Variants in MAGI1 observed in about 807,000 individuals in gnomAD.
MAGI1 encodes membrane associated guanylate kinase, WW and PDZ domain containing 1.
MAGI1 carries 58 observed loss-of-function variants against 139.9 expected under a neutral mutation model. The ratio of observed to expected loss-of-function variants is 0.41; its 90% CI spans 0.34 to 0.52. The LOEUF (loss-of-function observed/expected upper bound fraction) is 0.52, where lower values mean the gene tolerates loss of function less well. Among genes scored for constraint, MAGI1 ranks in the 20% least tolerant of loss-of-function variants. The pLI is 0.12. For missense variants in MAGI1, 1,874 were observed against 1,901.6 expected (o/e 0.99, Z 0.27); for synonymous variants, 812 against 737.9 (o/e 1.10, Z -1.63).
chr3:65,379,612 GC>G (rs1942872750), intron 16 of MAGI1, 58 bp from the exon 17 acceptor site: 3 of 1,554,966 alleles, frequency 1.9e-6, no homozygotes, highest in Non-Finnish European at 2.6e-6. Flanking sequence ...CCATCCTGCT[GC>G]CCCTCCCTCC....
chr3:65,501,928 G>C (rs2077097478), intron 2 of MAGI1, among the ~76,000 whole-genome samples: 1 of 152,152 alleles, frequency 6.6e-6, no homozygotes, highest in African/African-American at 2.4e-5. Flanking sequence ...CAGGGAAAGA[G>C]AAGCCAGACT....
intron 1 of MAGI1, among the ~76,000 whole-genome samples, chr3:65,828,342 C>G (rs1233495850): frequency 6.6e-6 from 1 of 152,212 alleles, no homozygotes; most frequent in African/African-American, 2.4e-5. Flanking sequence ...AGGAGAAGGT[C>G]TATCCCACAA....
intron 2 of MAGI1, among the ~76,000 whole-genome samples, chr3:65,554,077 G>A (rs943838645): frequency 6.6e-6 from 1 of 151,972 alleles, no homozygotes; most frequent in African/African-American, 2.4e-5. Flanking sequence ...CAGATATACT[G>A]TATATCTGTT....
intron 1 of MAGI1, among the ~76,000 whole-genome samples, chr3:65,954,967 T>C (rs2107002968): frequency 6.6e-6 from 1 of 151,950 alleles, no homozygotes. Context: ...GATGAAAGAA[T>C]TGAGACTTAG....
At chr3:65,496,854 C>G (rs1378104820) in intron 2 of MAGI1, among the ~76,000 whole-genome samples, 1 of 152,096 alleles carries the variant, frequency 6.6e-6, no homozygotes, top group East Asian at 1.9e-4. Context: ...CTCATCACAC[C>G]ATGCTAGGTC....
chr3:65,549,011 G>A (rs1008067034), intron 2 of MAGI1, among the ~76,000 whole-genome samples: 2 of 152,160 alleles, frequency 1.3e-5, no homozygotes, highest in Non-Finnish European at 2.9e-5. Flanking sequence ...GGCCCTAGGC[G>A]GAACGAGCCT....
At chr3:66,025,234 G>T (rs1027662573) in intron 1 of MAGI1, among the ~76,000 whole-genome samples, 1 of 152,120 alleles carries the variant, frequency 6.6e-6, no homozygotes, top group Non-Finnish European at 1.5e-5. Flanking sequence ...TCTACATATA[G>T]TATTTTTTTA....
chr3:66,020,402 C>G (rs2067898715), intron 1 of MAGI1, among the ~76,000 whole-genome samples: 1 of 152,144 alleles, frequency 6.6e-6, no homozygotes, highest in Non-Finnish European at 1.5e-5. Context: ...TACACTCCAG[C>G]CTCGGTGACA....
At chr3:65,920,676 A>G (rs1033571194) in intron 1 of MAGI1, among the ~76,000 whole-genome samples, 1 of 152,254 alleles carries the variant, frequency 6.6e-6, no homozygotes, top group African/African-American at 2.4e-5. Context: ...ATGAAAATTA[A>G]GATTAATTGA....
intron 13 of MAGI1, among the ~76,000 whole-genome samples, chr3:65,397,740 TAA>T (rs1242259855): frequency 6.6e-6 from 1 of 152,166 alleles, no homozygotes; most frequent in African/African-American, 2.4e-5. Flanking sequence ...TTATTATAAT[TAA>T]GAGTGGAATG....
chr3:65,999,275 T>A (rs1325181348), intron 1 of MAGI1, among the ~76,000 whole-genome samples: 1 of 152,050 alleles, frequency 6.6e-6, no homozygotes, highest in Non-Finnish European at 1.5e-5. Flanking sequence ...AAGAAGCCCT[T>A]TTTCAATGAA....
intron 2 of MAGI1, among the ~76,000 whole-genome samples, chr3:65,553,201 A>G (rs1191782448): frequency 6.6e-6 from 1 of 152,004 alleles, no homozygotes; most frequent in Non-Finnish European, 1.5e-5. Context: ...GATTTAATCT[A>G]TCAGCTATGC....
At position 65,439,874 on chromosome 3, in the gene MAGI1, C is replaced by T; in HGVS notation, c.1270+5G>A. On this transcript the variant is annotated splice_donor_5th_base_variant and intron_variant, in intron 9 of 22. Transcript: ENST00000402939. ...CAAGAAAAAGCCTAGAGGAAAGAGG[C>T]CAACCTTCTGTCTGCTGCTGCTGCT... 6.2e-7 allele frequency: 1 copy of T among 1,609,824 alleles called. No homozygotes were observed. Among genetic ancestry groups the T allele is most frequent in the Non-Finnish European group, 8.5e-7 (1 of 1,179,836 alleles).
chr3:65,591,961 TCTG>T (rs1302421795), intron 2 of MAGI1, among the ~76,000 whole-genome samples: 1 of 152,208 alleles, frequency 6.6e-6, no homozygotes, highest in African/African-American at 2.4e-5. Flanking sequence ...CTTACTCTGC[TCTG>T]CTTTTTCCCT....
intron 1 of MAGI1, among the ~76,000 whole-genome samples, chr3:66,020,945 T>C (rs2067927731): frequency 6.6e-6 from 1 of 152,146 alleles, no homozygotes; most frequent in Non-Finnish European, 1.5e-5. Context: ...TCGGTAAATG[T>C]ACCGATTAAA....
At chr3:65,759,223 TC>T (rs2036818260) in intron 1 of MAGI1, among the ~76,000 whole-genome samples, 1 of 152,148 alleles carries the variant, frequency 6.6e-6, no homozygotes, top group South Asian at 2.1e-4. Context: ...GATGCCCTCC[TC>T]TAGGACAGTT....
At chr3:65,841,322 T>G (rs2058795798) in intron 1 of MAGI1, among the ~76,000 whole-genome samples, 1 of 152,138 alleles carries the variant, frequency 6.6e-6, no homozygotes, top group Non-Finnish European at 1.5e-5. Flanking sequence ...TGCCTTGGGT[T>G]TATTTTGCTC....
intron 1 of MAGI1, among the ~76,000 whole-genome samples, chr3:65,712,136 C>T (rs943577283): frequency 6.6e-6 from 1 of 152,074 alleles, no homozygotes; most frequent in Non-Finnish European, 1.5e-5. Context: ...AAGGTAGGGT[C>T]CATGTGCCCT....
Position 65,379,108 on chromosome 3 carries a change from T to C in MAGI1, c.2995+153A>G, listed in dbSNP as rs996855545. The C allele has an allele frequency of 2.0e-6, 3 of 1,486,148 alleles. No individual in the cohort carries two copies. The African/African-American group carries it at 4.2e-5, about 21-fold the overall frequency. The allele number at this position is 1,486,148 out of a possible 1,614,324, so 92.1% of individuals were successfully genotyped here. The stretch of plus-strand genomic sequence containing the variant: ...CTTCAAAAGGGAAAAAGCTACCAAA[T>C]CAACTCCATCTCCAATTAAGTCTTT... On this transcript the variant is annotated intron_variant, in intron 17 of 22. Transcript: ENST00000402939.
Sources: allele counts gnomAD v4.1 joint callset (sites outside exome capture counted in the v4.1 genomes callset), GRCh38; gene constraint gnomAD v4.1.1; transcripts MANE v1.5; gene names NCBI Gene and HGNC (gene_info 2026-07-23, HGNC 2026-07-21).